Variants in RXFP1 observed in about 807,000 individuals in gnomAD.
The protein encoded by RXFP1 is relaxin receptor 1.
Under a neutral mutation model 89.8 loss-of-function variants are expected in RXFP1, and 73 were observed. That is an observed-to-expected ratio of 0.81 (90% CI 0.67 to 0.99). The LOEUF (loss-of-function observed/expected upper bound fraction) is 0.99. RXFP1 is among the 50% of genes least tolerant of loss of function. RXFP1 has a pLI of 0.00. For synonymous variants in RXFP1, 277 were observed against 305.5 expected (o/e 0.91, Z 0.97); for missense variants, 793 against 895.5 (o/e 0.89, Z 1.46).
chr4:158,544,087 C>CAAGAG, intron 1 of RXFP1: 1 of 980,042 alleles, frequency 1.0e-6, no homozygotes, highest in Non-Finnish European at 1.2e-6. Flanking sequence ...GAAGAACTAA[C>CAAGAG]AAGAGAACCA....
chr4:158,635,820 C>A (rs1580248023), intron 12 of RXFP1, among the ~76,000 whole-genome samples: 1 of 151,918 alleles, frequency 6.6e-6, no homozygotes, highest in African/African-American at 2.4e-5. Context: ...ATGGTCTAAT[C>A]TTCAGTAAAT....
In RXFP1 at chr4:158,647,165, A is replaced by G. The variant is rs1349825284; in HGVS notation, c.1720A>G (p.Ile574Val). 1.2e-6 allele frequency: 2 copies of G among 1,603,478 alleles called. No individual in the cohort carries two copies. Among genetic ancestry groups the G allele is most frequent in the Admixed American group, 3.5e-5 (2 of 57,508 alleles). The change falls in exon 16 of 18, where the codon ATT becomes GTT. Residue 574 changes from isoleucine to valine, a missense_variant. By Grantham distance (29) the Ile-to-Val change is conservative. Coordinates refer to ENST00000307765, the MANE Select transcript of RXFP1 (RefSeq NM_021634.4). ...TCTTCATTCAGAAGATACAGAAAGT[A>G]TTGGAGCCCAGATTTATTCAGTGGC... ...FPLHSEDTESIGAQIYSVAIF... is the reference protein window; with the variant it reads ...FPLHSEDTESVGAQIYSVAIF...
intron 11 of RXFP1, among the ~76,000 whole-genome samples, chr4:158,630,740 C>T (rs975889392): frequency 2.0e-5 from 3 of 152,190 alleles, no homozygotes; most frequent in African/African-American, 7.2e-5. Context: ...CCTGAAAAAT[C>T]AGATTCACCA....
At chr4:158,636,505 A>G (rs763009821) in intron 12 of RXFP1, among the ~76,000 whole-genome samples, 1 of 152,152 alleles carries the variant, frequency 6.6e-6, no homozygotes, top group Non-Finnish European at 1.5e-5. Flanking sequence ...TCAGTCTATC[A>G]CTACCGTAAT....
intron 1 of RXFP1, among the ~76,000 whole-genome samples, chr4:158,542,109 A>ATATATATATATATATATATATTTTTTT: frequency 5.7e-5 from 2 of 35,248 alleles, no homozygotes; most frequent in Non-Finnish European, 1.1e-4. Flanking sequence ...ATATATATAT[A>ATATATATATATATATATATATTTTTTT]TTTTTTTTTT....
rs116642076 is a variant in RXFP1 at position 158,551,919 on chromosome 4, G to A, written c.50-20779G>A. Reference sequence around the variant, plus strand: ...TCACACACTGGTTACTCCAGCCTGGGTGACACAGTGAGACCTTGTTACAAA... The same window carrying A: ...TCACACACTGGTTACTCCAGCCTGGATGACACAGTGAGACCTTGTTACAAA... On this transcript the variant is annotated intron_variant, in intron 1 of 17. Coordinates refer to ENST00000307765, the MANE Select transcript of RXFP1 (RefSeq NM_021634.4). Among the ~76,000 whole-genome samples the A allele has an allele frequency of 7.0e-3, 1,066 of 152,286 alleles. 11 individuals carry two copies. The highest frequency in any genetic ancestry group is 0.023 in the African/African-American group (950 of 41,550).
chr4:158,537,387 C>T (rs768830149), intron 1 of RXFP1, among the ~76,000 whole-genome samples: 64 of 151,946 alleles, frequency 4.2e-4, no homozygotes, highest in Non-Finnish European at 7.2e-4. Flanking sequence ...TCTGTAGTCC[C>T]TAGAGTGTCT....
At chr4:158,540,857 CA>C (rs1463405404) in intron 1 of RXFP1, among the ~76,000 whole-genome samples, 1 of 151,830 alleles carries the variant, frequency 6.6e-6, no homozygotes, top group Non-Finnish European at 1.5e-5. Context: ...GTGGCAATTC[CA>C]AAAAAAGGCA....
In RXFP1 at chr4:158,639,278, A is replaced by C. The variant is rs1353915530; in HGVS notation, c.1062A>C (p.Glu354Asp). ...TTTTTAGCAGCCTAGAAGGGATTGA[A>C]ATTTCAAATATCCAACAAAGGATGT... ...KLKSLSLEGI[E>D]ISNIQQRMFR... Residue 354 changes from glutamate to aspartate, a missense_variant, in exon 14 of 18, where the codon GAA (glutamate) becomes GAC (aspartate). Coordinates refer to ENST00000307765, the MANE Select transcript of RXFP1 (RefSeq NM_021634.4). 2 of 1,559,528 alleles carry C rather than the reference A, an allele frequency of 1.3e-6. No individual in the cohort carries two copies. The highest frequency in any genetic ancestry group is 4.5e-5 in the East Asian group (2 of 44,482).
chr4:158,568,424 T>G (rs1023094739), intron 1 of RXFP1, among the ~76,000 whole-genome samples: 2 of 152,240 alleles, frequency 1.3e-5, no homozygotes, highest in Non-Finnish European at 2.9e-5. Context: ...GTATGGCCAG[T>G]TAAAACATCT....
chr4:158,564,106 A>C (rs1753075107), intron 1 of RXFP1, among the ~76,000 whole-genome samples: 1 of 152,086 alleles, frequency 6.6e-6, no homozygotes, highest in Non-Finnish European at 1.5e-5. Flanking sequence ...TAGGAGTCAT[A>C]AATATGACAA....
At chr4:158,576,861 T>G (rs1262334728) in intron 2 of RXFP1, among the ~76,000 whole-genome samples, 1 of 152,194 alleles carries the variant, frequency 6.6e-6, no homozygotes, top group African/African-American at 2.4e-5. Context: ...TGGCAGAATT[T>G]CATCACCATC....
rs1755574890 is a variant in RXFP1, at chr4:158,573,484, AGATTTTTTTTGT to A, written c.187+660_187+671del. 2.0e-5 allele frequency among the ~76,000 whole-genome samples: 3 copies of A among 152,064 alleles called. No individual in the cohort carries two copies. In the South Asian group the frequency reaches 6.2e-4, roughly 32 times the overall value. On this transcript the variant is annotated intron_variant, in intron 2 of 17. Transcript: ENST00000307765. ...AATTCATAAGGATTTTGAAAGCATT[AGATTTTTTTTGT>A]GATTTTTTTTTTAAGCTCATCAGCT...
intron 1 of RXFP1, among the ~76,000 whole-genome samples, chr4:158,531,143 C>T (rs1334884836): frequency 1.3e-5 from 2 of 152,162 alleles, no homozygotes; most frequent in Non-Finnish European, 2.9e-5. Context: ...TCAAGCAATC[C>T]TCCCAACTAA....
At chr4:158,607,259 T>C in intron 5 of RXFP1, 1 of 675,016 alleles carries the variant, frequency 1.5e-6, no homozygotes, top group Non-Finnish European at 2.6e-6. Flanking sequence ...TAGTTAACTA[T>C]GTAAGCCTGC....
chr4:158,630,689 T>C (rs1767867396), intron 11 of RXFP1, among the ~76,000 whole-genome samples: 1 of 152,210 alleles, frequency 6.6e-6, no homozygotes, highest in African/African-American at 2.4e-5. Flanking sequence ...TGCTAATTAT[T>C]AGGTGGACTT....
chr4:158,528,886 T>G (rs556808283), intron 1 of RXFP1, among the ~76,000 whole-genome samples: 1 of 152,260 alleles, frequency 6.6e-6, no homozygotes, highest in Non-Finnish European at 1.5e-5. Context: ...TCACCGCTCC[T>G]ATAACCTCTT....
intron 2 of RXFP1, among the ~76,000 whole-genome samples, chr4:158,588,734 G>A (rs1758790776): frequency 6.6e-6 from 1 of 152,214 alleles, no homozygotes. Flanking sequence ...ATGAAGTTGG[G>A]TCAATCTACA....
chr4:158,631,595 C>A (rs919762038), intron 11 of RXFP1, among the ~76,000 whole-genome samples: 3 of 152,136 alleles, frequency 2.0e-5, no homozygotes, highest in Non-Finnish European at 4.4e-5. Flanking sequence ...AAACACTTAA[C>A]CTCCCTGGGC....
Sources: gnomAD v4.1 joint callset for allele counts (sites outside exome capture counted in the v4.1 genomes callset) on GRCh38, gnomAD v4.1.1 for gene constraint, MANE v1.5 for transcripts, NCBI Gene and HGNC (gene_info 2026-07-23, HGNC 2026-07-21) for gene names.